Variants in FXYD1 observed in about 807,000 individuals in gnomAD.
FXYD1 encodes phospholemman.
FXYD1 carries 9 observed loss-of-function variants against 17.2 expected under a neutral mutation model. That is an observed-to-expected ratio of 0.52 (90% CI 0.32 to 0.91). FXYD1 has a LOEUF of 0.91. Ranked by LOEUF, FXYD1 falls within the 40% of genes least tolerant of loss-of-function variation. The probability of loss-of-function intolerance (pLI) is 0.04; values close to 1 mark genes in which losing one functional copy is unlikely to be tolerated. For missense variants in FXYD1, 113 were observed against 120.6 expected (o/e 0.94, Z 0.29); for synonymous variants, 55 against 45.8 (o/e 1.20, Z -0.81).
intron 3 of FXYD1, 149 bp from the exon 4 acceptor site, chr19:35,140,983 T>A: frequency 2.1e-6 from 1 of 472,652 alleles, no homozygotes; most frequent in Non-Finnish European, 3.9e-6. Context: ...CCCACTTTCC[T>A]CCTCCCATAT....
chr19:35,141,505 C>T (rs2065255249), intron 4 of FXYD1, 31 bp from the exon 5 acceptor site: 2 of 1,597,288 alleles, frequency 1.3e-6, no homozygotes, highest in East Asian at 2.3e-5. Flanking sequence ...GGGAGGGAGC[C>T]TCAGCTTCTC....
intron 5 of FXYD1, among the ~76,000 whole-genome samples, chr19:35,142,060 G>A (rs888896522): frequency 6.6e-6 from 1 of 152,216 alleles, no homozygotes. Flanking sequence ...ACTTCCTCTG[G>A]GAGGGAGGTG....
At chr19:35,138,967 G>A (rs994631360) in intron 1 of FXYD1, 73 bp downstream of exon 1, 2 of 152,364 alleles carry the variant, frequency 1.3e-5, no homozygotes, top group Admixed American at 6.5e-5. Flanking sequence ...GGGAGCAGGA[G>A]TGGCCAGCCC....
In FXYD1 at chr19:35,138,909, C is replaced by T. The variant is rs1392332364; in HGVS notation, c.-5+15C>T. 1 of 152,466 alleles carries T rather than the reference C, an allele frequency of 6.6e-6. No individual in the cohort carries two copies. Among genetic ancestry groups the T allele is most frequent in the East Asian group, 1.9e-4 (1 of 5,208 alleles). 9.4% of individuals were successfully genotyped at this position (152,466 alleles called of 1,614,324 possible). On this transcript the variant is annotated intron_variant, in intron 1 of 7. Transcript: ENST00000351325. ...GCCCGATTGGGGTGAGCGTCCCCCA[C>T]TCCTTCCCTCCAGGCCTCACCCCTG...
chr19:35,139,824 C>A, intron 1 of FXYD1: 1 of 442,146 alleles, frequency 2.3e-6, no homozygotes, highest in Non-Finnish European at 4.2e-6. Context: ...GGAGGCCCCC[C>A]GGGGACTGTG....
intron 3 of FXYD1, 164 bp from the exon 4 acceptor site, chr19:35,140,968 G>A (rs1446173403): frequency 1.2e-5 from 7 of 569,236 alleles, no homozygotes; most frequent in Non-Finnish European, 2.2e-5. Flanking sequence ...TCCTCTCCCT[G>A]GTACCCCACT....
chr19:35,137,551 C>T (rs2065216540), upstream of FXYD1: 1 of 152,248 alleles, frequency 6.6e-6, no homozygotes, highest in African/African-American at 2.4e-5. Flanking sequence ...TCTGTGTGTA[C>T]ACAAGCTTGT....
Position 35,140,610 on chromosome 19 carries a change from A to G in FXYD1, c.75A>G (p.Glu25=). ...CTCTCTTTCCAGAAAGTCCAAAGGA[A>G]CACGACCCGTTCACTTACGGTGAGC... ...LTMAKAESPK[E]HDPFTYDYQS... is the part of the protein sequence containing the mutation. Residue 25 remains glutamate, a synonymous_variant, in exon 3 of 8, where the codon GAA becomes GAG. Transcript: ENST00000351325. The G allele has an allele frequency of 6.2e-7, 1 of 1,613,564 alleles. No homozygotes were observed. Among genetic ancestry groups the G allele is most frequent in the Non-Finnish European group, 8.5e-7 (1 of 1,179,750 alleles).
chr19:35,140,766 T>G, intron 3 of FXYD1, 137 bp downstream of exon 3: 1 of 682,522 alleles, frequency 1.5e-6, no homozygotes, highest in Non-Finnish European at 2.6e-6. Context: ...CCTTCCTCTC[T>G]GATTCCACCT....
chr19:35,140,224 C>G (rs543737835), intron 2 of FXYD1, 84 bp downstream of exon 2: 15 of 825,800 alleles, frequency 1.8e-5, no homozygotes, highest in South Asian at 2.7e-5. Flanking sequence ...GAGACCCCAA[C>G]CTAGACTAAG....
At chr19:35,140,717 G>C (rs950993643) in intron 3 of FXYD1, 88 bp downstream of exon 3, 2 of 1,051,734 alleles carry the variant, frequency 1.9e-6, no homozygotes, top group Non-Finnish European at 2.9e-6. Flanking sequence ...CAGAGTCCCA[G>C]TATTGATATC....
chr19:35,142,994 G>A lies in FXYD1; in HGVS notation c.*107G>A. Reference sequence around the variant, plus strand: ...CCTCCGCCGCCCCTTCCCCAGCCCTGCCCCCGCAGACTCCCCCTGCCGCCA... The same window carrying A: ...CCTCCGCCGCCCCTTCCCCAGCCCTACCCCCGCAGACTCCCCCTGCCGCCA... On this transcript the variant is annotated 3_prime_UTR_variant, in exon 8 of 8. Coordinates refer to ENST00000351325, the MANE Select transcript of FXYD1 (RefSeq NM_021902.4). 1 of 555,496 alleles carries A rather than the reference G, an allele frequency of 1.8e-6. No individual in the cohort carries two copies. Among genetic ancestry groups the A allele is most frequent in the Non-Finnish European group, 3.2e-6 (1 of 313,146 alleles). 34.4% of individuals were successfully genotyped at this position (555,496 alleles called of 1,614,324 possible). A position where few individuals can be genotyped will look rare whatever the true frequency, so the allele number is the denominator to read the frequency against.
chr19:35,142,404 G>C, intron 5 of FXYD1, 68 bp from the exon 6 acceptor site: 1 of 1,201,296 alleles, frequency 8.3e-7, no homozygotes, highest in Admixed American at 2.1e-5. Flanking sequence ...GGCTTGTACT[G>C]GGGGGTTCCT....
At chr19:35,137,531 T>A (rs1403097782), upstream of FXYD1, 1 of 152,342 alleles carries the variant, frequency 6.6e-6, no homozygotes, top group Non-Finnish European at 1.5e-5. Context: ...TCTGTGCCCA[T>A]GGAAATCTGT....
At chr19:35,139,631 G>T in intron 1 of FXYD1, 1 of 169,606 alleles carries the variant, frequency 5.9e-6, no homozygotes, top group South Asian at 1.4e-4. Context: ...GCCGCGAGCG[G>T]GCGGGCGGAG....
intron 4 of FXYD1, 44 bp downstream of exon 4, chr19:35,141,250 C>T: frequency 9.1e-7 from 1 of 1,098,568 alleles, no homozygotes; most frequent in South Asian, 1.3e-5. Context: ...CTCTCCCTGG[C>T]CCCACCTCTC....
At position 35,141,134 on chromosome 19, in the gene FXYD1, T is replaced by TACC; in HGVS notation, c.99_101dup (p.Tyr33_Gln34insHis). 6.2e-7 allele frequency: 1 copy of TACC among 1,602,114 alleles called. No individual in the cohort carries two copies. The highest frequency in any genetic ancestry group is 8.5e-7 in the Non-Finnish European group (1 of 1,169,650). On this transcript the variant is annotated inframe_insertion, in exon 4 of 8. Transcript: ENST00000351325. ...CTTCCCTGCTCTGCTGCTCACAGAC[T>TACC]ACCAGTCCCTGCAGATCGGAGGCCT...
At chr19:35,142,314 T>C in intron 5 of FXYD1, 158 bp from the exon 6 acceptor site, 1 of 632,774 alleles carries the variant, frequency 1.6e-6, no homozygotes. Flanking sequence ...AAGCTGCTCC[T>C]GGGTGCTCCT....
In FXYD1 at chr19:35,140,955, C is replaced by T; in HGVS notation, c.95-177C>T. 2 of 585,600 alleles carry T rather than the reference C, an allele frequency of 3.4e-6. 1 individual carries two copies. Among genetic ancestry groups the T allele is most frequent in the South Asian group, 4.0e-5 (2 of 49,392 alleles). The allele number at this position is 585,600 out of a possible 1,614,324, so 36.3% of individuals were successfully genotyped here. A position where few individuals can be genotyped will look rare whatever the true frequency, so the allele number is the denominator to read the frequency against. On this transcript the variant is annotated intron_variant, in intron 3 of 7. Coordinates refer to ENST00000351325, the MANE Select transcript of FXYD1 (RefSeq NM_021902.4). Reference sequence around the variant, plus strand: ...CCCTCCCTCCCTTTCCTATACACCCCTTTCCTCTCCCTGGTACCCCACTTT... The same window carrying T: ...CCCTCCCTCCCTTTCCTATACACCCTTTTCCTCTCCCTGGTACCCCACTTT...
Sources: gnomAD v4.1 joint callset for allele counts (sites outside exome capture counted in the v4.1 genomes callset) on GRCh38, gnomAD v4.1.1 for gene constraint, MANE v1.5 for transcripts, NCBI Gene and HGNC (gene_info 2026-07-23, HGNC 2026-07-21) for gene names.